AGBL4: variants seen among roughly 807,000 people sequenced by gnomAD.
AGBL4 encodes the protein AGBL carboxypeptidase 4.
A neutral mutation model predicts 66.4 loss-of-function variants in AGBL4; 58 were observed. The observed-to-expected ratio is 0.87, with a 90% CI of 0.71 to 1.09. AGBL4 has a LOEUF of 1.09. AGBL4 is among the 50% of genes least tolerant of loss of function. The pLI is 0.00. For synonymous variants in AGBL4, 234 were observed against 222.9 expected (o/e 1.05, Z -0.44); for missense variants, 579 against 631.0 (o/e 0.92, Z 0.88).
rs949126866 is a variant in AGBL4, at chr1:49,821,602, A to G, written c.157+29794T>C. 4.6e-5 allele frequency among the ~76,000 whole-genome samples: 7 copies of G among 152,348 alleles called. 1 individual carries two copies. The highest frequency in any genetic ancestry group is 4.1e-4 in the South Asian group (2 of 4,832). On this transcript the variant is annotated intron_variant, in intron 2 of 13. Transcript: ENST00000371839. ...TGTGTTTATGACAGTAGTTATTTCC[A>G]TAAATACTCATAAAGCCAATGGAGT...
intron 3 of AGBL4, among the ~76,000 whole-genome samples, chr1:49,671,421 C>T (rs952049279): frequency 5.3e-5 from 8 of 152,012 alleles, no homozygotes; most frequent in Admixed American, 1.3e-4. Flanking sequence ...GACGTGGGAA[C>T]GGGCAAAGAT....
At chr1:49,077,973 A>T (rs1644741317) in intron 4 of AGBL4, among the ~76,000 whole-genome samples, 1 of 152,172 alleles carries the variant, frequency 6.6e-6, no homozygotes, top group African/African-American at 2.4e-5. Flanking sequence ...CATTATTATT[A>T]ATATACCCCT....
chr1:49,950,075 C>T (rs12125015), intron 1 of AGBL4, among the ~76,000 whole-genome samples: 13 of 135,478 alleles, frequency 9.6e-5, no homozygotes, highest in Non-Finnish European at 1.6e-4. Flanking sequence ...CATATATATA[C>T]ACATATGTGT....
intron 3 of AGBL4, among the ~76,000 whole-genome samples, chr1:49,255,398 CA>C (rs1557771225): frequency 6.6e-6 from 1 of 151,876 alleles, no homozygotes; most frequent in Non-Finnish European, 1.5e-5. Context: ...TACATGTGGC[CA>C]AAAATCATGG....
At chr1:49,150,296 C>T (rs1646302588) in intron 4 of AGBL4, among the ~76,000 whole-genome samples, 1 of 152,086 alleles carries the variant, frequency 6.6e-6, no homozygotes, top group Non-Finnish European at 1.5e-5. Context: ...CACCTATGCA[C>T]CTACAGGTAT....
chr1:48,728,122 G>T, intron 6 of AGBL4: 5 of 1,321,066 alleles, frequency 3.8e-6, no homozygotes, highest in Non-Finnish European at 5.2e-6. Context: ...AAAAGAAAAT[G>T]TACCTCCCAA....
chr1:49,895,325 T>C (rs948733179), intron 1 of AGBL4, among the ~76,000 whole-genome samples: 1 of 151,290 alleles, frequency 6.6e-6, no homozygotes, highest in Non-Finnish European at 1.5e-5. Flanking sequence ...GGCACAAAAA[T>C]CACAGGTAAC....
At chr1:49,179,520 T>C (rs915742052) in intron 4 of AGBL4, among the ~76,000 whole-genome samples, 2 of 151,886 alleles carry the variant, frequency 1.3e-5, no homozygotes, top group Non-Finnish European at 2.9e-5. Flanking sequence ...GGTGAAAGTT[T>C]GCGGAAAGAA....
At chr1:48,801,325 G>A (rs949336182) in intron 6 of AGBL4, among the ~76,000 whole-genome samples, 3 of 152,156 alleles carry the variant, frequency 2.0e-5, no homozygotes, top group African/African-American at 7.2e-5. Flanking sequence ...TCCTGCACTT[G>A]TATCTACAGC....
intron 5 of AGBL4, among the ~76,000 whole-genome samples, chr1:49,013,270 C>T (rs1365782340): frequency 6.6e-6 from 1 of 152,098 alleles, no homozygotes; most frequent in Non-Finnish European, 1.5e-5. Flanking sequence ...TGGGGGTGTC[C>T]AGGAAACCTC....
At position 48,594,423 on chromosome 1, in the gene AGBL4, G is replaced by A. The variant is rs190828889; in HGVS notation, c.952-3438C>T. On this transcript the variant is annotated intron_variant, in intron 9 of 13. Transcript: ENST00000371839. ...ATTTCCTTTGACCATTTAAAAAATC[G>A]GATTGTTGGGCTTTATTTCTTATTG... 2.0e-3 allele frequency among the ~76,000 whole-genome samples: 308 copies of A among 152,112 alleles called. 1 individual carries two copies. Among genetic ancestry groups the A allele is most frequent in the African/African-American group, 6.9e-3 (287 of 41,484 alleles).
At chr1:49,655,575 G>A (rs974439905) in intron 3 of AGBL4, among the ~76,000 whole-genome samples, 1 of 152,154 alleles carries the variant, frequency 6.6e-6, no homozygotes. Context: ...GAAATTTATA[G>A]CACTAAATGC....
chr1:49,080,844 A>T (rs1414641407), intron 4 of AGBL4, among the ~76,000 whole-genome samples: 1 of 152,170 alleles, frequency 6.6e-6, no homozygotes, highest in African/African-American at 2.4e-5. Context: ...TTTAATAAAA[A>T]TTATGTGGTT....
chr1:48,583,327 A>G (rs1644768309), intron 11 of AGBL4, among the ~76,000 whole-genome samples: 1 of 152,210 alleles, frequency 6.6e-6, no homozygotes, highest in Admixed American at 6.5e-5. Flanking sequence ...GTGCACACTC[A>G]CAAAAGCTAT....
At chr1:49,224,417 A>G (rs1306387251) in intron 4 of AGBL4, among the ~76,000 whole-genome samples, 2 of 152,012 alleles carry the variant, frequency 1.3e-5, no homozygotes, top group Non-Finnish European at 2.9e-5. Context: ...GGAGATCAAG[A>G]CCATCCTGGC....
chr1:49,707,277 C>A (rs1647275755), intron 2 of AGBL4, among the ~76,000 whole-genome samples: 2 of 151,748 alleles, frequency 1.3e-5, no homozygotes, highest in South Asian at 4.2e-4. Context: ...TTGCGTTGAT[C>A]CCTTTACCCT....
chr1:48,903,235 G>A (rs114409523), intron 5 of AGBL4, among the ~76,000 whole-genome samples: 62 of 151,958 alleles, frequency 4.1e-4, no homozygotes, highest in African/African-American at 1.3e-3. Context: ...CTTTAATCTC[G>A]CCTCCAAGTC....
At chr1:49,599,034 T>C (rs1302098549) in intron 3 of AGBL4, among the ~76,000 whole-genome samples, 1 of 152,230 alleles carries the variant, frequency 6.6e-6, no homozygotes, top group Non-Finnish European at 1.5e-5. Flanking sequence ...CGCATCATTG[T>C]TGATCAGGGA....
intron 3 of AGBL4, among the ~76,000 whole-genome samples, chr1:49,515,123 T>A (rs1425351601): frequency 1.3e-5 from 2 of 152,064 alleles, no homozygotes; most frequent in Non-Finnish European, 2.9e-5. Context: ...GGAGAAGATT[T>A]TTGCAATCTA....
Sources: gnomAD v4.1 joint callset for allele counts (sites outside exome capture counted in the v4.1 genomes callset) on GRCh38, gnomAD v4.1.1 for gene constraint, MANE v1.5 for transcripts, NCBI Gene and HGNC (gene_info 2026-07-23, HGNC 2026-07-21) for gene names.